Variants in CA14 observed in about 807,000 individuals in gnomAD.
The protein encoded by CA14 is CA-XIV.
Under a neutral mutation model 48.8 loss-of-function variants are expected in CA14, and 44 were observed. That is an observed-to-expected ratio of 0.90 (90% CI 0.71 to 1.16). The LOEUF is 1.16. Ranked by LOEUF, CA14 falls within the 50% of genes most tolerant of loss-of-function variation. The pLI is 0.00. For missense variants in CA14, 386 were observed against 401.0 expected (o/e 0.96, Z 0.32); for synonymous variants, 154 against 155.0 (o/e 0.99, Z 0.05).
chr1:150,263,118 T>TG lies in CA14; in HGVS notation c.641dup (p.Ser215LeufsTer18). ...AGCTGGGGCAGTACTTCCGCTACAA[T>TG]GGCTCGCTCACAACTCCCCCTTGCT... On this transcript the variant is annotated frameshift_variant, in exon 7 of 11. Transcript: ENST00000369111. LOFTEE classifies it high-confidence loss of function. 1 of 1,614,128 alleles carries TG rather than the reference T, an allele frequency of 6.2e-7. No homozygotes were observed. The highest frequency in any genetic ancestry group is 1.6e-4 in the Middle Eastern group (1 of 6,062).
At chr1:150,263,915 CTTTT>C (rs34291619) in intron 10 of CA14, 37 bp downstream of exon 10, 521 of 858,424 alleles carry the variant, frequency 6.1e-4, no homozygotes, top group Non-Finnish European at 6.7e-4. Flanking sequence ...GTCCCTTCTT[CTTTT>C]TTTTTTTTTT....
At chr1:150,261,366 G>A in intron 2 of CA14, 93 bp from the exon 3 acceptor site, 3 of 1,116,832 alleles carry the variant, frequency 2.7e-6, no homozygotes, top group Non-Finnish European at 4.0e-6. Context: ...CAGATGTATG[G>A]CTTGGTTAGG....
intron 5 of CA14, 50 bp downstream of exon 5, chr1:150,262,670 C>T (rs1229511685): frequency 1.4e-6 from 2 of 1,472,636 alleles, no homozygotes; most frequent in Non-Finnish European, 1.9e-6. Context: ...CCTCTGCAAC[C>T]CTCAAACCTA....
In CA14 at chr1:150,261,449, C is replaced by A. The variant is rs782183375; in HGVS notation, c.77-10C>A. On this transcript the variant is annotated splice_polypyrimidine_tract_variant and intron_variant, in intron 2 of 10. Coordinates refer to ENST00000369111, the MANE Select transcript of CA14 (RefSeq NM_012113.3). Reference sequence around the variant, plus strand: ...AGGACAGGACCAATGTCTTTGGTAACCCCCACCAGGCCCACATGGTCAGGA... The same window carrying A: ...AGGACAGGACCAATGTCTTTGGTAAACCCCACCAGGCCCACATGGTCAGGA... 3.7e-6 allele frequency: 6 copies of A among 1,612,372 alleles called. No individual in the cohort carries two copies. Among genetic ancestry groups the A allele is most frequent in the African/African-American group, 1.3e-5 (1 of 74,882 alleles).
rs782280003 is a variant in CA14, at chr1:150,261,584, G to A, written c.202G>A (p.Gly68Arg). Residue 68 changes from glycine (G) to arginine (R), a missense_variant, in exon 3 of 11, where the codon GGA becomes AGA. Physicochemically the swap from Gly to Arg is moderately radical, Grantham distance 125. Coordinates refer to ENST00000369111, the MANE Select transcript of CA14 (RefSeq NM_012113.3). The part of the protein sequence containing the change: ...DPDLPALQPH[G>R]YDQPGTEPLD... ...TGATTTGCCTGCTCTGCAGCCCCAC[G>A]GATATGACCAGCCTGGCACCGAGCC... The A allele has an allele frequency of 6.8e-6, 11 of 1,614,022 alleles. No individual in the cohort carries two copies. In the Admixed American group the frequency reaches 1.0e-4, roughly 15 times the overall value.
At chr1:150,258,427 G>C (rs1222919787) in intron 1 of CA14, among the ~76,000 whole-genome samples, 1 of 151,994 alleles carries the variant, frequency 6.6e-6, no homozygotes, top group Non-Finnish European at 1.5e-5. Flanking sequence ...GTGTACACAT[G>C]CAAGTGCTGG....
chr1:150,260,164 G>A lies in CA14; in HGVS notation c.69G>A (p.Thr23=), dbSNP rs781807174. 8 of 1,613,892 alleles carry A rather than the reference G, an allele frequency of 5.0e-6. No individual in the cohort carries two copies. The highest frequency in any genetic ancestry group is 1.1e-5 in the South Asian group (1 of 91,076). The change falls in exon 2 of 11, where the codon ACG becomes ACA. Residue 23 remains threonine (T), a synonymous_variant. Coordinates refer to ENST00000369111, the MANE Select transcript of CA14 (RefSeq NM_012113.3). ...ILAADGGQHW[T]YEGPHGQDHW... is the part of the protein sequence containing the mutation. Reference sequence around the variant, plus strand: ...TCTGCCTTGCAGGTCAACACTGGACGTATGAGGGTGAGCAGATCTCAAGGC... The same window carrying A: ...TCTGCCTTGCAGGTCAACACTGGACATATGAGGGTGAGCAGATCTCAAGGC...
rs1553849030 is a variant in CA14, at chr1:150,264,653, G to A, written c.1008G>A (p.Glu336=). 2 of 1,612,330 alleles carry A rather than the reference G, an allele frequency of 1.2e-6. No individual in the cohort carries two copies. Among genetic ancestry groups the A allele is most frequent in the Non-Finnish European group, 8.5e-7 (1 of 1,179,078 alleles). ...VVFTSAQATT[E]A is the part of the protein sequence containing the mutation. ...TCACCTCAGCACAAGCCACGACTGA[G>A]GCATAAATTCCTTCTCAGATACCAT... The change falls in exon 11 of 11, where the codon GAG becomes GAA. Residue 336 remains glutamate, a synonymous_variant. Transcript: ENST00000369111.
chr1:150,262,858 G>A lies in CA14; in HGVS notation c.550G>A (p.Val184Ile), dbSNP rs1241291787. The A allele has an allele frequency of 6.2e-7, 1 of 1,612,646 alleles. No homozygotes were observed. The highest frequency in any genetic ancestry group is 1.7e-5 in the Admixed American group (1 of 60,034). The change falls in exon 6 of 11, where the codon GTC (valine) becomes ATC (isoleucine). Residue 184 changes from valine (V) to isoleucine (I), a missense_variant. Transcript: ENST00000369111. ...ACACATTCTGAGTCACTTGCATGAA[G>A]TCAGGCATAAAGGTGAGCCTTAAAA... ...YEHILSHLHE[V>I]RHKDQKTSVP...
At position 150,261,599 on chromosome 1, in the gene CA14, G is replaced by A; in HGVS notation, c.217G>A (p.Gly73Ser). The stretch of plus-strand genomic sequence containing the variant: ...GCAGCCCCACGGATATGACCAGCCT[G>A]GCACCGAGCCTTTGGACCTGCACAA... ...ALQPHGYDQP[G>S]TEPLDLHNNG... Residue 73 changes from glycine to serine, a missense_variant, in exon 3 of 11, where the codon GGC becomes AGC. Coordinates refer to ENST00000369111, the MANE Select transcript of CA14 (RefSeq NM_012113.3). 3 of 1,614,160 alleles carry A rather than the reference G, an allele frequency of 1.9e-6. No individual in the cohort carries two copies. The highest frequency in any genetic ancestry group is 2.5e-6 in the Non-Finnish European group (3 of 1,180,038).
intron 7 of CA14, 23 bp from the exon 8 acceptor site, chr1:150,263,276 T>A: frequency 6.2e-7 from 1 of 1,613,916 alleles, no homozygotes; most frequent in South Asian, 1.1e-5. Flanking sequence ...AAGTAACACC[T>A]CTCCCACGCT....
rs782174571 is a variant in CA14 at position 150,260,276 on chromosome 1, AC to A, written c.76+108del. ...GGGAGGAGACTTCCTTTACCTTCTC[AC>A]CCTAGCTCCTCCCTTCTGGATCTCC... On this transcript the variant is annotated intron_variant, in intron 2 of 10. Transcript: ENST00000369111. 3.7e-6 allele frequency: 4 copies of A among 1,086,288 alleles called. No homozygotes were observed. The African/African-American group carries it at 6.2e-5, about 17-fold the overall frequency. 67.3% of individuals were successfully genotyped at this position (1,086,288 alleles called of 1,614,324 possible).
chr1:150,261,162 C>T, intron 2 of CA14: 1 of 394,036 alleles, frequency 2.5e-6, no homozygotes, highest in Non-Finnish European at 4.6e-6. Context: ...CCTCATTCAG[C>T]TTTCTTGTCC....
At chr1:150,262,027 A>G in intron 3 of CA14, 131 bp from the exon 4 acceptor site, 2 of 994,606 alleles carry the variant, frequency 2.0e-6, no homozygotes, top group South Asian at 1.5e-5. Flanking sequence ...GCACTGGCCT[A>G]TGGGAGGAAC....
chr1:150,261,391 G>A, intron 2 of CA14, 68 bp from the exon 3 acceptor site: 1 of 1,410,306 alleles, frequency 7.1e-7, no homozygotes. Context: ...GGGTCAAAGG[G>A]AGGGGGTGCT....
rs375518484 is a variant in CA14, at chr1:150,260,151, G to T, written c.56G>T (p.Gly19Val). ...EVIWILAADG[G>V]QHWTYEGPHG... ...TAACCCAAACTATTCTGCCTTGCAGGTCAACACTGGACGTATGAGGGTGAG... is the reference window on the plus strand; with the variant it reads ...TAACCCAAACTATTCTGCCTTGCAGTTCAACACTGGACGTATGAGGGTGAG... The change falls in exon 2 of 11, where the codon GGT becomes GTT. Residue 19 changes from glycine to valine, a missense_variant and splice_region_variant. Gly to Val is a moderately radical substitution (Grantham distance 109, BLOSUM62 -3). Transcript: ENST00000369111. The T allele has an allele frequency of 3.7e-6, 6 of 1,613,700 alleles. No homozygotes were observed. In the African/African-American group the frequency reaches 4.0e-5, roughly 11 times the overall value.
rs1553848393 is a variant in CA14 at position 150,263,298 on chromosome 1, G to A, written c.721-1G>A. On this transcript the variant is annotated splice_acceptor_variant, in intron 7 of 10. Transcript: ENST00000369111. LOFTEE classifies it high-confidence loss of function. ...ACCTCTCCCACGCTTCTGCTCCTCA[G>A]CTGGAAAAGCTTCAGGGGACATTGT... 6.2e-7 allele frequency: 1 copy of A among 1,614,160 alleles called. No individual in the cohort carries two copies. The highest frequency in any genetic ancestry group is 2.2e-5 in the East Asian group (1 of 44,888).
At position 150,264,705 on chromosome 1, in the gene CA14, T is replaced by C. The variant is rs376773911; in HGVS notation, c.*46T>C. On this transcript the variant is annotated 3_prime_UTR_variant, in exon 11 of 11. Transcript: ENST00000369111. ...GATGTGGATGACTTCCCTTCATGCC[T>C]ATCAGGAAGCCTCTAAAATGGGGTG... 5 of 1,493,478 alleles carry C rather than the reference T, an allele frequency of 3.3e-6. No homozygotes were observed. In the African/African-American group the frequency reaches 5.5e-5, roughly 17 times the overall value. The allele number at this position is 1,493,478 out of a possible 1,614,324, so 92.5% of individuals were successfully genotyped here.
rs782370173 is a variant in CA14 at position 150,263,369 on chromosome 1, G to A, written c.791G>A (p.Arg264Gln). ...EPSKLLVQNY[R>Q]ALQPLNQRMV... ...TCTAAGCTTCTGGTACAGAACTACC[G>A]AGCCCTTCAGCCTCTCAATCAGCGC... The change falls in exon 8 of 11, where the codon CGA becomes CAA. Residue 264 changes from arginine (R) to glutamine (Q), a missense_variant. By Grantham distance (43) the Arg-to-Gln change is conservative. Coordinates refer to ENST00000369111, the MANE Select transcript of CA14 (RefSeq NM_012113.3). 1.7e-5 allele frequency: 28 copies of A among 1,614,160 alleles called. No individual in the cohort carries two copies. Among genetic ancestry groups the A allele is most frequent in the South Asian group, 6.6e-5 (6 of 91,078 alleles).
Sources: gnomAD v4.1 joint callset for allele counts (sites outside exome capture counted in the v4.1 genomes callset) on GRCh38, gnomAD v4.1.1 for gene constraint, MANE v1.5 for transcripts, NCBI Gene and HGNC (gene_info 2026-07-23, HGNC 2026-07-21) for gene names.